The following API5 variants were observed in gnomAD, a reference collection of about 807,000 sequenced individuals.
API5 encodes apoptosis inhibitor 5.
A neutral mutation model predicts 71.9 loss-of-function variants in API5; 6 were observed. The observed-to-expected ratio is 0.08, with a 90% CI of 0.05 to 0.16. The LOEUF (loss-of-function observed/expected upper bound fraction) is 0.16. Among genes scored for constraint, API5 ranks in the 10% least tolerant of loss-of-function variants. The pLI, the probability that API5 is intolerant of heterozygous loss-of-function variation, is 1.00. For missense variants in API5, 332 were observed against 612.8 expected, an observed-to-expected ratio of 0.54 and a Z score of 4.84; for synonymous variants, 189 against 221.3, an observed-to-expected ratio of 0.85 and a Z score of 1.30.
intron 1 of API5, among the ~76,000 whole-genome samples, chr11:43,312,604 G>A (rs1320744977): frequency 1.3e-5 from 2 of 152,024 alleles, no homozygotes; most frequent in Non-Finnish European, 2.9e-5. Context: ...TTTTGGGGGG[G>A]AGGCAAAATT....
intron 9 of API5, among the ~76,000 whole-genome samples, 163 bp from the exon 10 acceptor site, chr11:43,329,799 TTGA>T (rs1206488668): frequency 6.6e-6 from 1 of 152,236 alleles, no homozygotes; most frequent in Non-Finnish European, 1.5e-5. Flanking sequence ...AGTTTGATAC[TTGA>T]TGAAGCTCTT....
At chr11:43,318,972 T>G in intron 2 of API5, 171 bp downstream of exon 2, 1 of 544,476 alleles carries the variant, frequency 1.8e-6, no homozygotes, top group Non-Finnish European at 3.1e-6. Flanking sequence ...GTATTAGCCT[T>G]TTTCAACACC....
At position 43,315,230 on chromosome 11, in the gene API5, C is replaced by T. The variant is rs186628656; in HGVS notation, c.69+3034C>T. ...AATATATAAGGGTAAACTTACAAGCCGTCTGAGGTTTTATCGGCTAATTTC... is the reference window on the plus strand; with the variant it reads ...AATATATAAGGGTAAACTTACAAGCTGTCTGAGGTTTTATCGGCTAATTTC... On this transcript the variant is annotated intron_variant, in intron 1 of 13. Coordinates refer to ENST00000531273, the MANE Select transcript of API5 (RefSeq NM_001142930.2). Among the ~76,000 whole-genome samples, 48 of 152,184 alleles carry T rather than the reference C, an allele frequency of 3.2e-4. 1 individual carries two copies. The highest frequency in any genetic ancestry group is 1.1e-3 in the African/African-American group (44 of 41,530).
chr11:43,334,275 A>T (rs1399948550), intron 11 of API5, among the ~76,000 whole-genome samples: 1 of 152,134 alleles, frequency 6.6e-6, no homozygotes, highest in Non-Finnish European at 1.5e-5. Flanking sequence ...TGAATCCCCA[A>T]ACTATACGCC....
intron 1 of API5, among the ~76,000 whole-genome samples, chr11:43,317,231 A>G (rs1359140370): frequency 6.6e-6 from 1 of 152,182 alleles, no homozygotes; most frequent in Non-Finnish European, 1.5e-5. Context: ...CAAACAATAT[A>G]TATGTGTAGT....
chr11:43,333,065 T>C (rs1242488614), intron 11 of API5, among the ~76,000 whole-genome samples: 2 of 152,188 alleles, frequency 1.3e-5, no homozygotes, highest in Non-Finnish European at 2.9e-5. Context: ...CATATTGCTC[T>C]AGTCACTTAG....
chr11:43,323,283 C>A, intron 5 of API5, 147 bp from the exon 6 acceptor site: 1 of 724,904 alleles, frequency 1.4e-6, no homozygotes, highest in Non-Finnish European at 2.3e-6. Context: ...TTGACTGAAG[C>A]TAGAAGTTGC....
In API5 at chr11:43,321,993, G is replaced by A; in HGVS notation, c.400G>A (p.Gly134Ser). Reference protein sequence around the residue: ...IFKMDAKGTLGGLFSQILQGE... With the variant: ...IFKMDAKGTLSGLFSQILQGE... ...ACTATTTTGTTTTGCAGGGACTTTA[G>A]GTGGGTTGTTCAGCCAAATACTTCA... The change falls in exon 5 of 14, where the codon GGT becomes AGT. Residue 134 changes from glycine to serine, a missense_variant. Gly to Ser is a moderately conservative substitution (Grantham distance 56). Transcript: ENST00000531273. 2 of 1,611,158 alleles carry A rather than the reference G, an allele frequency of 1.2e-6. No homozygotes were observed. The highest frequency in any genetic ancestry group is 1.7e-6 in the Non-Finnish European group (2 of 1,179,170).
intron 13 of API5, among the ~76,000 whole-genome samples, chr11:43,340,533 T>C (rs1855575875): frequency 6.6e-6 from 1 of 151,812 alleles, no homozygotes. Flanking sequence ...TCTCAAAATA[T>C]AAATCAAAAA....
intron 11 of API5, among the ~76,000 whole-genome samples, chr11:43,331,649 G>A (rs1180609136): frequency 6.6e-6 from 1 of 152,090 alleles, no homozygotes; most frequent in African/African-American, 2.4e-5. Context: ...CACACTAGGT[G>A]TAACTTTTAT....
chr11:43,317,886 A>C (rs1854726296), intron 1 of API5, among the ~76,000 whole-genome samples: 1 of 152,156 alleles, frequency 6.6e-6, no homozygotes, highest in Non-Finnish European at 1.5e-5. Flanking sequence ...CATGTTGGGC[A>C]GGCTGGTCTG....
intron 1 of API5, 181 bp from the exon 2 acceptor site, chr11:43,318,459 T>TG (rs1854752140): frequency 2.0e-6 from 3 of 1,534,872 alleles, no homozygotes; most frequent in Non-Finnish European, 2.6e-6. Context: ...GAAACAAAGA[T>TG]GGAGGGAGAA....
At position 43,344,036 on chromosome 11, in the gene API5, T is replaced by C. The variant is rs140790279; in HGVS notation, c.*1526T>C. Reference sequence around the variant, plus strand: ...GAGCAAAAGTTGGTCAGCTTGGCTATGGAGTGGTGGCAATAATCTCTAAAC... The same window carrying C: ...GAGCAAAAGTTGGTCAGCTTGGCTACGGAGTGGTGGCAATAATCTCTAAAC... On this transcript the variant is annotated 3_prime_UTR_variant, in exon 14 of 14. Transcript: ENST00000531273. The C allele has an allele frequency of 6.5e-6, 1 of 152,766 alleles. No homozygotes were observed. The highest frequency in any genetic ancestry group is 1.5e-5 in the Non-Finnish European group (1 of 68,030). The allele number at this position is 152,766 out of a possible 1,614,324, so 9.5% of individuals were successfully genotyped here. A position where few individuals can be genotyped will look rare whatever the true frequency, so the allele number is the denominator to read the frequency against.
chr11:43,326,817 G>A (rs574428522), intron 7 of API5, among the ~76,000 whole-genome samples: 56 of 152,318 alleles, frequency 3.7e-4, no homozygotes, highest in Admixed American at 2.9e-3. Context: ...AGCCTTACCT[G>A]TAGTTTTATT....
intron 13 of API5, among the ~76,000 whole-genome samples, chr11:43,338,650 A>T (rs1438642552): frequency 1.8e-5 from 2 of 114,052 alleles, no homozygotes; most frequent in African/African-American, 6.6e-5. Context: ...ATTGGAGGTA[A>T]AAAAAAAAAA....
intron 13 of API5, chr11:43,339,168 T>C (rs962932929): frequency 6.6e-6 from 1 of 152,180 alleles, no homozygotes; most frequent in Non-Finnish European, 1.5e-5. Flanking sequence ...ATTATACAGA[T>C]AAATATTAGC....
intron 9 of API5, chr11:43,329,110 G>A: frequency 2.0e-6 from 1 of 500,472 alleles, no homozygotes; most frequent in Non-Finnish European, 3.6e-6. Context: ...GGGAGGCCAA[G>A]GCAGGAGGGT....
At chr11:43,329,080 G>A (rs539054811) in intron 9 of API5, 187 bp downstream of exon 9, 63 of 607,446 alleles carry the variant, frequency 1.0e-4, no homozygotes, top group African/African-American at 9.2e-4. Flanking sequence ...GGTGGCTCAC[G>A]TCTGTAATCC....
At chr11:43,327,927 G>T (rs766180167) in intron 8 of API5, 49 bp downstream of exon 8, 46 of 1,127,226 alleles carry the variant, frequency 4.1e-5, no homozygotes, top group Non-Finnish European at 5.7e-5. Context: ...ATAGCTCAAA[G>T]TCTAATTTAT....
Sources: allele counts gnomAD v4.1 joint callset (sites outside exome capture counted in the v4.1 genomes callset), GRCh38; gene constraint gnomAD v4.1.1; transcripts MANE v1.5; gene names NCBI Gene and HGNC (gene_info 2026-07-23, HGNC 2026-07-21).